SMC1B: variants seen among roughly 807,000 people sequenced by gnomAD.
SMC1B encodes structural maintenance of chromosomes protein 1B.
Under a neutral mutation model 157.9 loss-of-function variants are expected in SMC1B, and 60 were observed. That is an observed-to-expected ratio of 0.38 (90% CI 0.31 to 0.47). The LOEUF (loss-of-function observed/expected upper bound fraction) is 0.47. Among genes scored for constraint, SMC1B ranks in the 20% least tolerant of loss-of-function variants. The pLI, the probability that SMC1B is intolerant of heterozygous loss-of-function variation, is 0.99. For synonymous variants in SMC1B, 445 were observed against 483.0 expected, an observed-to-expected ratio of 0.92 and a Z score of 1.03; for missense variants, 1,165 against 1,426.2, an observed-to-expected ratio of 0.82 and a Z score of 2.95.
intron 23 of SMC1B, among the ~76,000 whole-genome samples, chr22:45,347,387 G>T (rs2086563172): frequency 6.6e-6 from 1 of 152,140 alleles, no homozygotes; most frequent in Admixed American, 6.6e-5. Flanking sequence ...AATACAATTT[G>T]AGAAATGCTC....
intron 22 of SMC1B, 50 bp from the exon 23 acceptor site, chr22:45,349,847 A>G: frequency 7.1e-7 from 1 of 1,415,700 alleles, no homozygotes; most frequent in Non-Finnish European, 9.8e-7. Flanking sequence ...TTTGTTTTAC[A>G]AAAGACTTGG....
intron 2 of SMC1B, among the ~76,000 whole-genome samples, chr22:45,407,828 GA>G: frequency 6.6e-6 from 1 of 152,206 alleles, no homozygotes; most frequent in East Asian, 1.9e-4. Context: ...TGTCACATGT[GA>G]ACAATTGATC....
chr22:45,408,993 T>C (rs2087297242), intron 1 of SMC1B, 95 bp from the exon 2 acceptor site: 2 of 679,756 alleles, frequency 2.9e-6, no homozygotes, highest in South Asian at 2.4e-5. Context: ...AAGTGAAATA[T>C]AGCCAAAAGA....
chr22:45,388,756 C>T (rs2087019389), intron 10 of SMC1B, among the ~76,000 whole-genome samples: 1 of 151,812 alleles, frequency 6.6e-6, no homozygotes, highest in African/African-American at 2.4e-5. Flanking sequence ...GCAGGCGGAT[C>T]ACCTGAGTCG....
intron 23 of SMC1B, among the ~76,000 whole-genome samples, chr22:45,348,544 T>C (rs553839815): frequency 3.3e-5 from 5 of 152,310 alleles, no homozygotes; most frequent in Non-Finnish European, 7.4e-5. Flanking sequence ...TCCCAATATC[T>C]AGATTTGGTG....
At chr22:45,385,541 A>C (rs1422987365) in intron 11 of SMC1B, among the ~76,000 whole-genome samples, 1 of 152,124 alleles carries the variant, frequency 6.6e-6, no homozygotes, top group African/African-American at 2.4e-5. Flanking sequence ...TAAAATTTTG[A>C]AATACTGATA....
chr22:45,391,632 C>T (rs6007017), intron 9 of SMC1B, among the ~76,000 whole-genome samples: 74,970 of 151,700 alleles, frequency 0.49, 21,787 homozygotes, highest in African/African-American at 0.82. Context: ...GTGAGACAAT[C>T]ACCTCCTCCG....
rs536905421 is a variant in SMC1B, at chr22:45,361,405, G to A, written c.2708+434C>T. 2.8e-4 allele frequency among the ~76,000 whole-genome samples: 43 copies of A among 152,300 alleles called. No homozygotes were observed. In the South Asian group the frequency reaches 8.5e-3, roughly 30 times the overall value. On this transcript the variant is annotated intron_variant, in intron 17 of 24. Coordinates refer to ENST00000357450, the MANE Select transcript of SMC1B (RefSeq NM_148674.5). ...AGTCGAGCAGATCACTTAAGGTTAG[G>A]AGTTCGAGACCAACCTGGCCAACAT...
chr22:45,391,379 A>G (rs1325412891), intron 9 of SMC1B, among the ~76,000 whole-genome samples: 2 of 152,134 alleles, frequency 1.3e-5, no homozygotes, highest in African/African-American at 4.8e-5. Flanking sequence ...TTATAAATTC[A>G]AGTTCTTATT....
At chr22:45,383,851 T>G (rs886170350) in intron 11 of SMC1B, among the ~76,000 whole-genome samples, 18 of 152,232 alleles carry the variant, frequency 1.2e-4, no homozygotes, top group Non-Finnish European at 1.0e-4. Context: ...TTTAGTCTTA[T>G]ATCAATATCC....
intron 9 of SMC1B, among the ~76,000 whole-genome samples, chr22:45,393,433 C>T (rs536520909): frequency 1.3e-5 from 2 of 152,236 alleles, no homozygotes; most frequent in South Asian, 2.1e-4. Context: ...ACGTTATCTA[C>T]AGCTACTACT....
chr22:45,409,561 A>G (rs1192200128), intron 1 of SMC1B, among the ~76,000 whole-genome samples: 1 of 142,218 alleles, frequency 7.0e-6, no homozygotes, highest in African/African-American at 2.6e-5. Flanking sequence ...AGAGACTCCA[A>G]CTCTAAATAA....
At chr22:45,397,061 A>G (rs1228266246) in intron 6 of SMC1B, among the ~76,000 whole-genome samples, 3 of 152,214 alleles carry the variant, frequency 2.0e-5, no homozygotes, top group Admixed American at 6.5e-5. Context: ...ATAATCTTAT[A>G]TCACAAATAT....
intron 23 of SMC1B, among the ~76,000 whole-genome samples, chr22:45,345,816 T>C (rs565645951): frequency 6.6e-6 from 1 of 152,202 alleles, no homozygotes; most frequent in South Asian, 2.1e-4. Context: ...CAACTTAAGA[T>C]ACTGTGATGT....
At chr22:45,399,411 G>T in intron 5 of SMC1B, 58 bp from the exon 6 acceptor site, 1 of 1,468,756 alleles carries the variant, frequency 6.8e-7, no homozygotes, top group Non-Finnish European at 9.2e-7. Flanking sequence ...TATATAAAGG[G>T]AAGAAGTTGT....
Position 45,354,109 on chromosome 22 carries a change from C to T in SMC1B, c.3142G>A (p.Ala1048Thr). The T allele has an allele frequency of 6.3e-7, 1 of 1,575,894 alleles. No homozygotes were observed. Among genetic ancestry groups the T allele is most frequent in the Non-Finnish European group, 8.6e-7 (1 of 1,166,708 alleles). The change falls in exon 21 of 25, where the codon GCC becomes ACC. Residue 1048 changes from alanine to threonine, a missense_variant. By Grantham distance (58) the Ala-to-Thr change is moderately conservative (BLOSUM62 0). Transcript: ENST00000357450. Reference protein sequence around the residue: ...TDAFEASRKEARLCRQEFEQV... With the variant: ...TDAFEASRKETRLCRQEFEQV... Reference sequence around the variant, plus strand: ...TCGAACTCTTGCCTACACAGTCTGGCTTCCTTTCTGCTGGCCTCAAAAGCT... The same window carrying T: ...TCGAACTCTTGCCTACACAGTCTGGTTTCCTTTCTGCTGGCCTCAAAAGCT...
At position 45,361,961 on chromosome 22, in the gene SMC1B, T is replaced by A. The variant is rs980755681; in HGVS notation, c.2586A>T (p.Thr862=). 1.9e-6 allele frequency: 3 copies of A among 1,614,140 alleles called. No individual in the cohort carries two copies. Among genetic ancestry groups the A allele is most frequent in the Non-Finnish European group, 2.5e-6 (3 of 1,179,994 alleles). ...GCTGCTTTGCCATGAGTTCATTCAC[T>A]GTCTGCAGACAGTTTTCTTCAGCCT... The part of the protein sequence containing the change: ...LKKAEENCLQ[T]VNELMAKQQQ... The change falls in exon 17 of 25, where the codon ACA becomes ACT. Residue 862 remains threonine, a synonymous_variant. Coordinates refer to ENST00000357450, the MANE Select transcript of SMC1B (RefSeq NM_148674.5).
Position 45,379,201 on chromosome 22 carries a change from C to T in SMC1B, c.2058+4266G>A, listed in dbSNP as rs139056788. Among the ~76,000 whole-genome samples the T allele has an allele frequency of 5.1e-4, 77 of 152,196 alleles. 2 individuals carry two copies. The East Asian group carries it at 0.013, about 26-fold the overall frequency. On this transcript the variant is annotated intron_variant, in intron 12 of 24. Coordinates refer to ENST00000357450, the MANE Select transcript of SMC1B (RefSeq NM_148674.5). Reference sequence around the variant, plus strand: ...TTCACTATGTTGGCCAGGCTGGTCTCGATCCCTTGAACCCCTGGCCTCAAG... The same window carrying T: ...TTCACTATGTTGGCCAGGCTGGTCTTGATCCCTTGAACCCCTGGCCTCAAG...
intron 12 of SMC1B, among the ~76,000 whole-genome samples, chr22:45,382,479 A>C (rs2086946262): frequency 6.6e-6 from 1 of 152,224 alleles, no homozygotes; most frequent in South Asian, 2.1e-4. Flanking sequence ...GAGGGGACTG[A>C]GTAAAAGGAA....
Sources: allele counts gnomAD v4.1 joint callset (sites outside exome capture counted in the v4.1 genomes callset), GRCh38; gene constraint gnomAD v4.1.1; transcripts MANE v1.5; gene names NCBI Gene and HGNC (gene_info 2026-07-23, HGNC 2026-07-21).